Variants in ROCK2 observed in about 807,000 individuals in gnomAD.
ROCK2 encodes Rho associated coiled-coil containing protein kinase 2.
Under a neutral mutation model 195.1 loss-of-function variants are expected in ROCK2, and 61 were observed. The observed-to-expected ratio is 0.31, with a 90% CI of 0.25 to 0.39. The LOEUF is 0.39. Ranked by LOEUF, ROCK2 falls within the 10% of genes least tolerant of loss-of-function variation. The pLI, the probability that ROCK2 is intolerant of heterozygous loss-of-function variation, is 1.00. For missense variants in ROCK2, 1,109 were observed against 1,637.4 expected (o/e 0.68, Z 5.57); for synonymous variants, 504 against 545.5 (o/e 0.92, Z 1.06).
chr2:11,343,868 G>A (rs531182260), intron 1 of ROCK2, 128 bp downstream of exon 1: 21 of 1,215,466 alleles, frequency 1.7e-5, no homozygotes, highest in Non-Finnish European at 2.2e-5. Flanking sequence ...GGCCCCGGCT[G>A]CCGGAAGCAG....
chr2:11,236,000 C>A lies in ROCK2; in HGVS notation c.463-38G>T, dbSNP rs1407657786. On this transcript the variant is annotated intron_variant, in intron 4 of 32. Transcript: ENST00000315872. This position sits in a 1 kb window ranked among gnomAD's most constrained non-coding sequence, Gnocchi z 4.2. Reference sequence around the variant, plus strand: ...AGGAAAAGGAAAAATTTTTAAAAACCCAAACCAAAAATCATAATCAGAACA... The same window carrying A: ...AGGAAAAGGAAAAATTTTTAAAAACACAAACCAAAAATCATAATCAGAACA... 15 of 1,431,934 alleles carry A rather than the reference C, an allele frequency of 1.0e-5. No homozygotes were observed. The highest frequency in any genetic ancestry group is 2.6e-5 in the Admixed American group (1 of 38,304). 88.7% of individuals were successfully genotyped at this position (1,431,934 alleles called of 1,614,324 possible).
At chr2:11,298,919 T>C (rs1444813160) in intron 1 of ROCK2, among the ~76,000 whole-genome samples, 2 of 152,150 alleles carry the variant, frequency 1.3e-5, no homozygotes, top group Admixed American at 1.3e-4. Context: ...ATAGTTATTA[T>C]AAATATGTTT....
chr2:11,335,062 A>G (rs1420010386), intron 1 of ROCK2, among the ~76,000 whole-genome samples: 1 of 151,846 alleles, frequency 6.6e-6, no homozygotes, highest in Non-Finnish European at 1.5e-5. Flanking sequence ...CCAAAATATT[A>G]TTGACAATGA....
chr2:11,182,593 G>T lies in ROCK2; in HGVS notation c.*844C>A, dbSNP rs893337737. 5 of 152,430 alleles carry T rather than the reference G, an allele frequency of 3.3e-5. No homozygotes were observed. The highest frequency in any genetic ancestry group is 1.2e-4 in the African/African-American group (5 of 41,444). The allele number at this position is 152,430 out of a possible 1,614,324, so 9.4% of individuals were successfully genotyped here. On this transcript the variant is annotated 3_prime_UTR_variant, in exon 33 of 33. Transcript: ENST00000315872. ...CTATTTATGTGTAAAAATAGTGCAC[G>T]ATTTATCTTCCACAAAGCTAGTTTA...
intron 3 of ROCK2, among the ~76,000 whole-genome samples, chr2:11,254,727 TAAAAAAAAAA>T (rs10640683): frequency 3.3e-3 from 130 of 39,134 alleles, no homozygotes; most frequent in East Asian, 0.013. Context: ...CCCTGTCTCT[TAAAAAAAAAA>T]AAAAAAAAAA....
chr2:11,259,095 T>C (rs1666134685), intron 3 of ROCK2, among the ~76,000 whole-genome samples: 1 of 151,220 alleles, frequency 6.6e-6, no homozygotes, highest in Non-Finnish European at 1.5e-5. Context: ...TTAAGGGAGA[T>C]TTAGGCTTCA....
chr2:11,264,594 TG>T (rs1408684133), intron 3 of ROCK2, among the ~76,000 whole-genome samples: 1 of 152,140 alleles, frequency 6.6e-6, no homozygotes, highest in African/African-American at 2.4e-5. Context: ...TAAGCCACTG[TG>T]GATATGAGTT....
intron 32 of ROCK2, among the ~76,000 whole-genome samples, chr2:11,188,798 T>C (rs1291562070): frequency 6.6e-6 from 1 of 151,614 alleles, no homozygotes; most frequent in Admixed American, 6.6e-5. Flanking sequence ...TAATTTTTTG[T>C]ATTTTTTAGT....
intron 1 of ROCK2, among the ~76,000 whole-genome samples, chr2:11,316,365 T>A (rs1246194532): frequency 1.3e-5 from 2 of 152,168 alleles, no homozygotes; most frequent in African/African-American, 4.8e-5. Context: ...TGTCAATTAC[T>A]AAAGTCAAAA....
intron 20 of ROCK2, among the ~76,000 whole-genome samples, chr2:11,202,713 G>A (rs1221223393): frequency 6.6e-6 from 1 of 151,992 alleles, no homozygotes; most frequent in Non-Finnish European, 1.5e-5. Context: ...AGCCAGGATG[G>A]TCTCGATCTC....
intron 1 of ROCK2, among the ~76,000 whole-genome samples, chr2:11,330,607 A>G (rs13014721): frequency 0.78 from 118,011 of 151,870 alleles, 48,012 homozygotes; most frequent in East Asian, 0.94. Flanking sequence ...GAACCCAAGA[A>G]GCGGAGGCTG....
chr2:11,215,691 T>C (rs1664402521), intron 13 of ROCK2, 46 bp from the exon 14 acceptor site: 1 of 1,505,194 alleles, frequency 6.6e-7, no homozygotes, highest in East Asian at 2.3e-5. Context: ...TGTATAAAAA[T>C]GAAATCAAAA....
intron 1 of ROCK2, among the ~76,000 whole-genome samples, chr2:11,339,379 G>A (rs1169864974): frequency 6.6e-6 from 1 of 151,762 alleles, no homozygotes; most frequent in African/African-American, 2.4e-5. Context: ...ATAACATCAT[G>A]GGGAAAATTT....
At position 11,281,264 on chromosome 2, in the gene ROCK2, T is replaced by C. The variant is rs931241597; in HGVS notation, c.324+5275A>G. Reference sequence around the variant, plus strand: ...ACATGAAGAATAGAGGAACTTCAACTTGAATATCTATAAAAAATCCACAGC... The same window carrying C: ...ACATGAAGAATAGAGGAACTTCAACCTGAATATCTATAAAAAATCCACAGC... On this transcript the variant is annotated intron_variant, in intron 3 of 32. Coordinates refer to ENST00000315872, the MANE Select transcript of ROCK2 (RefSeq NM_004850.5). 2.0e-5 allele frequency among the ~76,000 whole-genome samples: 3 copies of C among 148,256 alleles called. No homozygotes were observed. In the East Asian group the frequency reaches 5.9e-4, roughly 29 times the overall value.
intron 5 of ROCK2, chr2:11,234,175 A>C (rs1665122651): frequency 1.3e-5 from 2 of 152,200 alleles, no homozygotes; most frequent in South Asian, 4.1e-4. Flanking sequence ...ACTTTGCCTT[A>C]TAAAGAGACA....
At position 11,215,483 on chromosome 2, in the gene ROCK2, G is replaced by A. The variant is rs772083769; in HGVS notation, c.1597+27C>T. On this transcript the variant is annotated intron_variant, in intron 14 of 32. Coordinates refer to ENST00000315872, the MANE Select transcript of ROCK2 (RefSeq NM_004850.5). ...ACACACACTTAATTTTTTTCTTGAT[G>A]AGTAATTAATATTCTACACCACAAA... 4 of 1,606,556 alleles carry A rather than the reference G, an allele frequency of 2.5e-6. No homozygotes were observed. The African/African-American group carries it at 4.0e-5, about 16-fold the overall frequency.
chr2:11,316,003 T>C (rs1014678164), intron 1 of ROCK2, among the ~76,000 whole-genome samples: 3 of 152,112 alleles, frequency 2.0e-5, no homozygotes, highest in African/African-American at 7.2e-5. Context: ...TTGTTTTGAT[T>C]AGTTTAATTA....
intron 1 of ROCK2, among the ~76,000 whole-genome samples, chr2:11,337,048 G>C: frequency 6.6e-6 from 1 of 152,128 alleles, no homozygotes; most frequent in East Asian, 1.9e-4. Flanking sequence ...TTGGAGACCA[G>C]CCTGGCCAAC....
chr2:11,286,635 C>A lies in ROCK2; in HGVS notation c.228G>T (p.Glu76Asp). The A allele has an allele frequency of 1.3e-6, 2 of 1,559,198 alleles. No homozygotes were observed. The highest frequency in any genetic ancestry group is 1.8e-6 in the Non-Finnish European group (2 of 1,132,526). ...KNIDNFLNRYEKIVKKIRGLQ... is the reference protein window; with the variant it reads ...KNIDNFLNRYDKIVKKIRGLQ... ...GACCTCTGATTTTTTTCACAATTTT[C>A]TCATCTACCATAAAAAGATCACCAT... Residue 76 changes from glutamate to aspartate, a missense_variant, in exon 3 of 33, where the codon GAG becomes GAT. Transcript: ENST00000315872.
Sources: gnomAD v4.1 joint callset for allele counts (sites outside exome capture counted in the v4.1 genomes callset) on GRCh38, gnomAD v4.1.1 for gene constraint, Gnocchi (gnomAD v3.1) non-coding constraint, MANE v1.5 for transcripts, NCBI Gene and HGNC (gene_info 2026-07-23, HGNC 2026-07-21) for gene names.